Variants in HIPK2 observed in about 807,000 individuals in gnomAD.
HIPK2 encodes the protein homeodomain interacting protein kinase 2.
Under a neutral mutation model 113.7 loss-of-function variants are expected in HIPK2, and 27 were observed. That is an observed-to-expected ratio of 0.24 (90% CI 0.17 to 0.33). The LOEUF (loss-of-function observed/expected upper bound fraction) is 0.33. Among genes scored for constraint, HIPK2 ranks in the 10% least tolerant of loss-of-function variants. HIPK2 has a pLI of 1.00. For missense variants in HIPK2, 1,257 were observed against 1,588.0 expected (o/e 0.79, Z 3.54); for synonymous variants, 631 against 642.2 (o/e 0.98, Z 0.26).
chr7:139,642,998 T>G (rs1461952454), intron 2 of HIPK2, among the ~76,000 whole-genome samples: 1 of 152,168 alleles, frequency 6.6e-6, no homozygotes, highest in Non-Finnish European at 1.5e-5. Context: ...TTCTGGGTGG[T>G]TGCAGCTTGA....
chr7:139,598,997 A>C (rs1261434588), intron 11 of HIPK2, among the ~76,000 whole-genome samples: 1 of 152,242 alleles, frequency 6.6e-6, no homozygotes, highest in Non-Finnish European at 1.5e-5. Flanking sequence ...GGAGGATGAC[A>C]ACTTCAGCCC....
chr7:139,572,855 G>A lies in HIPK2; in HGVS notation c.*72C>T, dbSNP rs534108975. 5 of 1,138,334 alleles carry A rather than the reference G, an allele frequency of 4.4e-6. No homozygotes were observed. The highest frequency in any genetic ancestry group is 3.8e-5 in the Admixed American group (1 of 26,372). 70.5% of individuals were successfully genotyped at this position (1,138,334 alleles called of 1,614,324 possible). A position where few individuals can be genotyped will look rare whatever the true frequency, so the allele number is the denominator to read the frequency against. On this transcript the variant is annotated 3_prime_UTR_variant, in exon 15 of 15. Transcript: ENST00000406875. ...GGCCAGCGCCCACGGTCCCAGGAGC[G>A]CCTCCCTCCTTCTCTCCCTCCTCCC...
intron 2 of HIPK2, among the ~76,000 whole-genome samples, chr7:139,632,025 C>T (rs568903106): frequency 6.6e-6 from 1 of 152,326 alleles, no homozygotes; most frequent in South Asian, 2.1e-4. Context: ...ATCAGATGAG[C>T]TAACAACCAT....
intron 2 of HIPK2, among the ~76,000 whole-genome samples, chr7:139,704,045 A>T (rs1794802312): frequency 9.8e-5 from 1 of 10,162 alleles, no homozygotes; most frequent in Non-Finnish European, 7.0e-4. Flanking sequence ...TCCAACATAC[A>T]CACCCAACAC....
chr7:139,667,063 T>C, intron 2 of HIPK2, among the ~76,000 whole-genome samples: 1 of 140,864 alleles, frequency 7.1e-6, no homozygotes, highest in East Asian at 2.4e-4. Flanking sequence ...AGACTCCTTC[T>C]TAAAAAAAAA....
At chr7:139,741,092 A>G (rs982532621) in intron 1 of HIPK2, among the ~76,000 whole-genome samples, 4 of 152,186 alleles carry the variant, frequency 2.6e-5, no homozygotes, top group Non-Finnish European at 5.9e-5. Flanking sequence ...GGCTGCAGTG[A>G]GCTGAGATCG....
At chr7:139,718,767 G>A (rs1191953348) in intron 1 of HIPK2, among the ~76,000 whole-genome samples, 1 of 151,998 alleles carries the variant, frequency 6.6e-6, no homozygotes, top group African/African-American at 2.4e-5. Context: ...GCCTTCATGT[G>A]CGTGCACACA....
chr7:139,699,999 G>A (rs886808245), intron 2 of HIPK2, among the ~76,000 whole-genome samples: 4 of 152,276 alleles, frequency 2.6e-5, no homozygotes, highest in African/African-American at 7.2e-5. Flanking sequence ...TCATTGCCTC[G>A]GACAGAATGG....
chr7:139,689,393 T>C (rs543614980), intron 2 of HIPK2, among the ~76,000 whole-genome samples: 1 of 152,344 alleles, frequency 6.6e-6, no homozygotes, highest in Non-Finnish European at 1.5e-5. Flanking sequence ...AAGTTATGTA[T>C]GTTATATGCT....
intron 5 of HIPK2, 77 bp from the exon 6 acceptor site, chr7:139,626,862 C>A: frequency 3.3e-6 from 5 of 1,505,824 alleles, no homozygotes; most frequent in Non-Finnish European, 1.8e-6. Context: ...TATTTTTTGC[C>A]CTGTAACTTC....
At chr7:139,681,679 A>G (rs949598042) in intron 2 of HIPK2, among the ~76,000 whole-genome samples, 11 of 152,198 alleles carry the variant, frequency 7.2e-5, no homozygotes, top group Non-Finnish European at 2.9e-5. Context: ...CAGAGAGCAC[A>G]TTTAAAACTC....
intron 1 of HIPK2, among the ~76,000 whole-genome samples, chr7:139,738,621 G>C (rs1796010350): frequency 6.6e-6 from 1 of 152,124 alleles, no homozygotes. Flanking sequence ...ACAACCAAAA[G>C]AGCAACAGTG....
At chr7:139,747,506 C>G (rs1796209177) in intron 1 of HIPK2, among the ~76,000 whole-genome samples, 1 of 152,240 alleles carries the variant, frequency 6.6e-6, no homozygotes, top group Admixed American at 6.5e-5. Flanking sequence ...TCTACCCCAT[C>G]TCTATCGAGC....
rs900526038 is a variant in HIPK2 at position 139,568,559 on chromosome 7, C to T, written c.*4368G>A. On this transcript the variant is annotated 3_prime_UTR_variant, in exon 15 of 15. Coordinates refer to ENST00000406875, the MANE Select transcript of HIPK2 (RefSeq NM_022740.5). ...CTCCAGTTAAACACTCCTCCGTGAC[C>T]TGACATTTCAAATCTTCCCCTCTTC... 1.6e-4 allele frequency: 25 copies of T among 152,234 alleles called. No homozygotes were observed. The highest frequency in any genetic ancestry group is 6.0e-4 in the African/African-American group (25 of 41,448). 9.4% of individuals were successfully genotyped at this position (152,234 alleles called of 1,614,324 possible).
chr7:139,642,377 G>A (rs1801056234), intron 2 of HIPK2, among the ~76,000 whole-genome samples: 2 of 152,196 alleles, frequency 1.3e-5, no homozygotes, highest in Non-Finnish European at 2.9e-5. Context: ...AGGAGGAGGA[G>A]GCTATTTCAG....
At chr7:139,729,640 A>G (rs1795711501) in intron 1 of HIPK2, among the ~76,000 whole-genome samples, 1 of 152,172 alleles carries the variant, frequency 6.6e-6, no homozygotes, top group African/African-American at 2.4e-5. Flanking sequence ...CCAATGGAGG[A>G]TCTCAAGAAG....
intron 2 of HIPK2, among the ~76,000 whole-genome samples, chr7:139,634,056 G>C (rs1319155608): frequency 6.6e-6 from 1 of 151,456 alleles, no homozygotes; most frequent in African/African-American, 2.4e-5. Context: ...GGTGCCATGA[G>C]CCATGATTTG....
At chr7:139,578,308 G>A (rs867162832) in intron 13 of HIPK2, among the ~76,000 whole-genome samples, 16 of 152,246 alleles carry the variant, frequency 1.1e-4, no homozygotes, top group Middle Eastern at 6.8e-3. Context: ...GCGCCCAGCT[G>A]CTAATTTTTG....
chr7:139,748,914 T>C (rs1262192517), intron 1 of HIPK2, among the ~76,000 whole-genome samples: 4 of 152,214 alleles, frequency 2.6e-5, no homozygotes, highest in Non-Finnish European at 5.9e-5. Context: ...CTCAGCTTTG[T>C]GGGAGCAGCT....
Sources: allele counts gnomAD v4.1 joint callset (sites outside exome capture counted in the v4.1 genomes callset), GRCh38; gene constraint gnomAD v4.1.1; transcripts MANE v1.5; gene names NCBI Gene and HGNC (gene_info 2026-07-23, HGNC 2026-07-21).